The following PCDH15 variants were observed in gnomAD, a reference collection of about 807,000 sequenced individuals.
PCDH15 encodes the protein protocadherin related 15, also known as protocadherin-15.
A neutral mutation model predicts 178.5 loss-of-function variants in PCDH15; 129 were observed. The observed-to-expected ratio is 0.72, with a 90% CI of 0.63 to 0.84. The LOEUF is 0.84. PCDH15 is among the 40% of genes least tolerant of loss of function. PCDH15 has a pLI of 0.00. For synonymous variants in PCDH15, 800 were observed against 732.0 expected (o/e 1.09, Z -1.50); for missense variants, 2,230 against 2,099.9 (o/e 1.06, Z -1.21).
At chr10:55,117,860 T>C (rs1157491576) in intron 2 of PCDH15, among the ~76,000 whole-genome samples, 2 of 152,160 alleles carry the variant, frequency 1.3e-5, no homozygotes, top group Non-Finnish European at 2.9e-5. Flanking sequence ...GGAGGATGAA[T>C]ATTCAGCTTA....
At chr10:55,173,475 CAT>C (rs893986283) in intron 1 of PCDH15, among the ~76,000 whole-genome samples, 1 of 151,938 alleles carries the variant, frequency 6.6e-6, no homozygotes, top group Non-Finnish European at 1.5e-5. Context: ...CATAGAAAAT[CAT>C]AGTTAATTTC....
intron 2 of PCDH15, among the ~76,000 whole-genome samples, chr10:55,526,250 C>A (rs1184344360): frequency 1.3e-5 from 2 of 151,728 alleles, no homozygotes; most frequent in South Asian, 4.1e-4. Context: ...CTATTTTTTT[C>A]ATTTCATATA....
intron 26 of PCDH15, among the ~76,000 whole-genome samples, chr10:53,893,599 T>C (rs1011162573): frequency 3.3e-5 from 5 of 152,186 alleles, no homozygotes; most frequent in Non-Finnish European, 5.9e-5. Flanking sequence ...TATACACCAT[T>C]GAATACTAGT....
chr10:55,296,307 C>G (rs1046308524), intron 1 of PCDH15, among the ~76,000 whole-genome samples: 3 of 152,148 alleles, frequency 2.0e-5, no homozygotes, highest in African/African-American at 7.2e-5. Flanking sequence ...TCTGTAGCCC[C>G]TCTCCTTCCC....
At chr10:54,506,573 A>T (rs1448256746) in intron 3 of PCDH15, among the ~76,000 whole-genome samples, 2 of 152,048 alleles carry the variant, frequency 1.3e-5, no homozygotes, top group Non-Finnish European at 2.9e-5. Context: ...TCTGCCCTAA[A>T]TTTTCAATGT....
rs190083239 is a variant in PCDH15 at position 55,224,827 on chromosome 10, T to C, written c.-155-58176A>G. ...CTCACACTCCTTTCAGCCACATACT[T>C]CTTTACCTTTCCATTCTCACTTCTG... is the stretch of plus-strand genomic sequence containing the variant. On this transcript the variant is annotated intron_variant, in intron 1 of 5. Transcript: ENST00000458638. 2.2e-3 allele frequency among the ~76,000 whole-genome samples: 329 copies of C among 152,186 alleles called. 3 individuals carry two copies. The highest frequency in any genetic ancestry group is 7.7e-3 in the African/African-American group (319 of 41,460).
chr10:53,941,471 A>G (rs1439489792), intron 23 of PCDH15, among the ~76,000 whole-genome samples: 1 of 152,110 alleles, frequency 6.6e-6, no homozygotes, highest in Non-Finnish European at 1.5e-5. Context: ...TATGCATTTA[A>G]TGCTCCTCAA....
intron 2 of PCDH15, among the ~76,000 whole-genome samples, chr10:55,341,676 T>C (rs1199106409): frequency 1.4e-5 from 2 of 147,702 alleles, no homozygotes; most frequent in Non-Finnish European, 3.0e-5. Flanking sequence ...TTCAAGTGAT[T>C]CTCTAGCCTC....
chr10:55,033,127 T>A (rs1232499008), intron 2 of PCDH15, among the ~76,000 whole-genome samples: 1 of 152,008 alleles, frequency 6.6e-6, no homozygotes, highest in East Asian at 1.9e-4. Context: ...TCAGAGAGCC[T>A]CAGGTTCTAG....
chr10:55,547,912 A>AGAGAGAGAGG (rs1163021994), intron 2 of PCDH15, among the ~76,000 whole-genome samples: 2 of 46,208 alleles, frequency 4.3e-5, no homozygotes, highest in Admixed American at 4.8e-4. Flanking sequence ...TGTGTGTGTG[A>AGAGAGAGAGG]GAGAGAGAGA....
chr10:54,773,635 C>T (rs1240957044), intron 1 of PCDH15, among the ~76,000 whole-genome samples: 1 of 152,186 alleles, frequency 6.6e-6, no homozygotes, highest in Non-Finnish European at 1.5e-5. Context: ...TCTTGTCACA[C>T]TGAGACATGT....
chr10:55,060,161 C>T (rs1841395471), intron 2 of PCDH15, among the ~76,000 whole-genome samples: 1 of 151,934 alleles, frequency 6.6e-6, no homozygotes, highest in Admixed American at 6.6e-5. Context: ...TAGAAATTTC[C>T]TTTTCAATTT....
chr10:53,821,761 TAAAATA>T (rs2076281972), intron 32 of PCDH15: 1 of 1,561,052 alleles, frequency 6.4e-7, no homozygotes, highest in Non-Finnish European at 8.6e-7. Context: ...GAATTTGGGG[TAAAATA>T]ATAGAGTCTT....
intron 25 of PCDH15, among the ~76,000 whole-genome samples, chr10:53,914,429 C>T (rs1564755903): frequency 1.3e-5 from 2 of 152,162 alleles, no homozygotes; most frequent in Admixed American, 6.5e-5. Context: ...GAATACTATG[C>T]AGCCATAAAA....
chr10:54,813,832 C>T (rs920133397), intron 3 of PCDH15, among the ~76,000 whole-genome samples: 2 of 152,114 alleles, frequency 1.3e-5, no homozygotes, highest in Admixed American at 1.3e-4. Context: ...GTTTAATGTC[C>T]ACAGATCTTT....
chr10:54,648,501 A>T (rs1281237828), intron 2 of PCDH15, among the ~76,000 whole-genome samples: 1 of 152,146 alleles, frequency 6.6e-6, no homozygotes, highest in Non-Finnish European at 1.5e-5. Context: ...AGGGTTGGGC[A>T]CCTAGTAGCC....
chr10:55,027,529 T>C (rs1840503626), intron 2 of PCDH15, among the ~76,000 whole-genome samples: 1 of 151,870 alleles, frequency 6.6e-6, no homozygotes, highest in Non-Finnish European at 1.5e-5. Flanking sequence ...ATTGAGGGCT[T>C]CTATTTGGGG....
intron 2 of PCDH15, among the ~76,000 whole-genome samples, chr10:55,051,511 A>T (rs1841160464): frequency 6.6e-6 from 1 of 152,184 alleles, no homozygotes; most frequent in South Asian, 2.1e-4. Context: ...TTAAAAGTAA[A>T]TCTTTCTTAT....
intron 2 of PCDH15, among the ~76,000 whole-genome samples, chr10:55,504,655 A>C (rs559614333): frequency 1.3e-5 from 2 of 151,372 alleles, no homozygotes; most frequent in Non-Finnish European, 3.0e-5. Flanking sequence ...ATACATATCA[A>C]ATGGTAACAG....
Sources: gnomAD v4.1 joint callset for allele counts (sites outside exome capture counted in the v4.1 genomes callset) on GRCh38, gnomAD v4.1.1 for gene constraint, MANE v1.5 for transcripts, NCBI Gene and HGNC (gene_info 2026-07-23, HGNC 2026-07-21) for gene names.